RYR2: variants seen among roughly 807,000 people sequenced by gnomAD.
RYR2 encodes the protein cardiac muscle ryanodine receptor-calcium release channel.
A neutral mutation model predicts 601.1 loss-of-function variants in RYR2; 227 were observed. That is an observed-to-expected ratio of 0.38 (90% CI 0.34 to 0.42). The LOEUF (loss-of-function observed/expected upper bound fraction) is 0.42, where lower values mean the gene tolerates loss of function less well. Among genes scored for constraint, RYR2 ranks in the 10% least tolerant of loss-of-function variants. The pLI is 1.00. For synonymous variants in RYR2, 2,223 were observed against 2,175.1 expected (o/e 1.02, Z -0.61); for missense variants, 4,646 against 6,156.5 (o/e 0.75, Z 8.21).
At chr1:237,536,540 C>A (rs1668630708) in intron 25 of RYR2, among the ~76,000 whole-genome samples, 1 of 151,810 alleles carries the variant, frequency 6.6e-6, no homozygotes, top group Non-Finnish European at 1.5e-5. Context: ...TGGTGAAACC[C>A]CGTCTCTAAT....
At chr1:237,404,012 G>C (rs1046155277) in intron 10 of RYR2, among the ~76,000 whole-genome samples, 1 of 152,210 alleles carries the variant, frequency 6.6e-6, no homozygotes, top group African/African-American at 2.4e-5. Context: ...CCAGCAGTTT[G>C]GGAGACTCAG....
intron 23 of RYR2, among the ~76,000 whole-genome samples, chr1:237,510,364 A>T (rs1665763118): frequency 6.6e-6 from 1 of 152,208 alleles, no homozygotes; most frequent in Non-Finnish European, 1.5e-5. Context: ...GTAGAGACAA[A>T]GTGGAGATGA....
chr1:237,724,006 A>G (rs1034268313), intron 74 of RYR2, among the ~76,000 whole-genome samples: 1 of 151,894 alleles, frequency 6.6e-6, no homozygotes, highest in Non-Finnish European at 1.5e-5. Context: ...CATCAAGTCC[A>G]TTCAGCAAAA....
intron 66 of RYR2, 22 bp downstream of exon 66, chr1:237,702,081 CTT>C: frequency 7.4e-7 from 1 of 1,347,426 alleles, no homozygotes; most frequent in Non-Finnish European, 1.1e-6. Context: ...TAAAGTTTAA[CTT>C]TGTATTAATT....
intron 1 of RYR2, among the ~76,000 whole-genome samples, chr1:237,158,751 A>G (rs557767425): frequency 2.0e-5 from 3 of 152,328 alleles, no homozygotes; most frequent in African/African-American, 4.8e-5. Flanking sequence ...GTTGTGCTCA[A>G]AACAGAGTAG....
Position 237,589,988 on chromosome 1 carries a change from A to G in RYR2, c.3794A>G (p.His1265Arg), listed in dbSNP as rs1674968448. ...CAGTTTCTTCAAGTTCCATCAAACC[A>G]TGAACATATAGAGGTTTGCTTTTTC... ...LPQFLQVPSNHEHIEVTRIDG... is the reference protein window; with the variant it reads ...LPQFLQVPSNREHIEVTRIDG... The change falls in exon 30 of 105, where the codon CAT becomes CGT. Residue 1265 changes from histidine (H) to arginine (R), a missense_variant. His to Arg is a conservative substitution (Grantham distance 29, BLOSUM62 0). Coordinates refer to ENST00000366574, the MANE Select transcript of RYR2 (RefSeq NM_001035.3). 1.2e-6 allele frequency: 2 copies of G among 1,613,844 alleles called. No homozygotes were observed. Among genetic ancestry groups the G allele is most frequent in the Non-Finnish European group, 1.7e-6 (2 of 1,179,800 alleles).
chr1:237,742,329 G>A lies in RYR2; in HGVS notation c.11125G>A (p.Glu3709Lys). Residue 3709 changes from glutamate (E) to lysine (K), a missense_variant, in exon 80 of 105, where the codon GAG (glutamate) becomes AAG (lysine). Coordinates refer to ENST00000366574, the MANE Select transcript of RYR2 (RefSeq NM_001035.3). ...CHDEEDDDGE[E>K]EVKSFEEKEM... is the part of the protein sequence containing the mutation. ...TGATGAGGAAGATGACGATGGTGAA[G>A]AGGAAGTGAAGAGTTTTGAAGTAAG... 1.9e-6 allele frequency: 3 copies of A among 1,568,250 alleles called. No homozygotes were observed. The highest frequency in any genetic ancestry group is 2.6e-6 in the Non-Finnish European group (3 of 1,153,500).
intron 25 of RYR2, among the ~76,000 whole-genome samples, chr1:237,545,404 C>T (rs1669691359): frequency 6.6e-6 from 1 of 152,172 alleles, no homozygotes. Flanking sequence ...AAGTATCACT[C>T]CTCTTTGGGA....
Position 237,828,367 on chromosome 1 carries a change from T to G in RYR2, c.14591-14T>G. ...GCTTGATAAAGATTAAATTGTGTTT[T>G]TATTTAACACCAGGTCTAATTATTG... On this transcript the variant is annotated splice_polypyrimidine_tract_variant and intron_variant, in intron 101 of 104. Coordinates refer to ENST00000366574, the MANE Select transcript of RYR2 (RefSeq NM_001035.3). 1.3e-6 allele frequency: 2 copies of G among 1,530,798 alleles called. No homozygotes were observed. The highest frequency in any genetic ancestry group is 4.8e-5 in the East Asian group (2 of 41,406). The allele number at this position is 1,530,798 out of a possible 1,614,324, so 94.8% of individuals were successfully genotyped here. A position where few individuals can be genotyped will look rare whatever the true frequency, so the allele number is the denominator to read the frequency against.
chr1:237,707,241 T>C lies in RYR2; in HGVS notation c.9873T>C (p.Asp3291=), dbSNP rs1483096254. 1 of 1,557,034 alleles carries C rather than the reference T, an allele frequency of 6.4e-7. No homozygotes were observed. Among genetic ancestry groups the C allele is most frequent in the Non-Finnish European group, 8.7e-7 (1 of 1,143,062 alleles). Residue 3291 remains aspartate (D), a synonymous_variant, in exon 68 of 105, where the codon GAT becomes GAC. Coordinates refer to ENST00000366574, the MANE Select transcript of RYR2 (RefSeq NM_001035.3). The stretch of plus-strand genomic sequence containing the variant: ...TCATATATAATAACTTGGGGATTGA[T>C]GAGGGAGCCTGGATGAAGAGGCTAG... ...LKIIYNNLGI[D]EGAWMKRLAV... is the part of the protein sequence containing the mutation.
At chr1:237,542,657 T>G (rs906403544) in intron 25 of RYR2, among the ~76,000 whole-genome samples, 1 of 152,176 alleles carries the variant, frequency 6.6e-6, no homozygotes, top group African/African-American at 2.4e-5. Flanking sequence ...TTCCTTCTCG[T>G]GCCTCATCCG....
chr1:237,346,791 A>C (rs1485811167), intron 3 of RYR2, among the ~76,000 whole-genome samples: 1 of 152,206 alleles, frequency 6.6e-6, no homozygotes, highest in Non-Finnish European at 1.5e-5. Flanking sequence ...GAACTGATGG[A>C]GAAAAGACTT....
At chr1:237,584,189 T>A (rs1045765189) in intron 29 of RYR2, among the ~76,000 whole-genome samples, 1 of 152,130 alleles carries the variant, frequency 6.6e-6, no homozygotes, top group Admixed American at 6.6e-5. Context: ...GAGGCATGAT[T>A]TTGTGGAAAT....
intron 63 of RYR2, among the ~76,000 whole-genome samples, chr1:237,696,881 G>A (rs1202151757): frequency 6.6e-6 from 1 of 152,172 alleles, no homozygotes; most frequent in East Asian, 1.9e-4. Context: ...AACTGATTCC[G>A]TTCCTGCAGT....
At chr1:237,436,453 C>CAT (rs1491092540) in intron 12 of RYR2, among the ~76,000 whole-genome samples, 4 of 55,830 alleles carry the variant, frequency 7.2e-5, no homozygotes, top group African/African-American at 1.1e-4. Context: ...GTGTGATTTT[C>CAT]CTTTTTTTTT....
chr1:237,809,980 A>C (rs910556016), intron 100 of RYR2, among the ~76,000 whole-genome samples: 1 of 150,688 alleles, frequency 6.6e-6, no homozygotes, highest in Non-Finnish European at 1.5e-5. Flanking sequence ...AAATGATAAA[A>C]ATGGATGCCA....
rs1242994619 is a variant in RYR2 at position 237,638,966 on chromosome 1, A to G, written c.6929-49A>G. On this transcript the variant is annotated intron_variant, in intron 45 of 104. Coordinates refer to ENST00000366574, the MANE Select transcript of RYR2 (RefSeq NM_001035.3). ...TTAGTATAACATTTATTTGTTCAGA[A>G]CTTCCATATAATCATATTTGTTTAC... 3.8e-6 allele frequency: 6 copies of G among 1,586,030 alleles called. No homozygotes were observed. In the Admixed American group the frequency reaches 1.0e-4, roughly 27 times the overall value.
At chr1:237,675,114 C>T (rs1045191586) in intron 60 of RYR2, among the ~76,000 whole-genome samples, 44 of 152,068 alleles carry the variant, frequency 2.9e-4, no homozygotes, top group African/African-American at 1.1e-3. Flanking sequence ...TTGAAAGATA[C>T]ATTGGAAGGA....
chr1:237,272,841 G>A (rs1689839784), intron 2 of RYR2, among the ~76,000 whole-genome samples: 1 of 151,892 alleles, frequency 6.6e-6, no homozygotes, highest in Admixed American at 6.6e-5. Flanking sequence ...TAACAGGCCA[G>A]AATTCCAAAT....
Sources: gnomAD v4.1 joint callset for allele counts (sites outside exome capture counted in the v4.1 genomes callset) on GRCh38, gnomAD v4.1.1 for gene constraint, MANE v1.5 for transcripts, NCBI Gene and HGNC (gene_info 2026-07-23, HGNC 2026-07-21) for gene names.